The following AGRN variants were observed in gnomAD, a reference collection of about 807,000 sequenced individuals.
The protein encoded by AGRN is agrin proteoglycan.
A neutral mutation model predicts 211.0 loss-of-function variants in AGRN; 106 were observed. The observed-to-expected ratio is 0.50, with a 90% CI of 0.43 to 0.59. The LOEUF (loss-of-function observed/expected upper bound fraction) is 0.59, where lower values mean the gene tolerates loss of function less well. Among genes scored for constraint, AGRN ranks in the 20% least tolerant of loss-of-function variants. The pLI, the probability that AGRN is intolerant of heterozygous loss-of-function variation, is 0.00. For missense variants in AGRN, 3,040 were observed against 2,982.6 expected (o/e 1.02, Z -0.45); for synonymous variants, 1,525 against 1,332.5 (o/e 1.14, Z -3.15).
At chr1:1,053,713 C>G (rs548654056) in intron 33 of AGRN, 40 bp from the exon 34 acceptor site, 2 of 1,541,658 alleles carry the variant, frequency 1.3e-6, no homozygotes, top group Admixed American at 1.9e-5. Flanking sequence ...TGTCCTGTTG[C>G]CACCTTCCTA....
chr1:1,045,771 T>C lies in AGRN; in HGVS notation c.2575T>C (p.Cys859Arg), dbSNP rs768805007. 9.3e-6 allele frequency: 15 copies of C among 1,613,376 alleles called. No individual in the cohort carries two copies. Among genetic ancestry groups the C allele is most frequent in the Non-Finnish European group, 1.1e-5 (13 of 1,179,948 alleles). ...CDPQGAVRDDCEQMTGLCSCK... is the reference protein window; with the variant it reads ...CDPQGAVRDDREQMTGLCSCK... ...TCCCCAAGGCGCCGTGCGGGATGAC[T>C]GTGAGCAGATGACGGGGCTGTGCTC... Residue 859 changes from cysteine to arginine, a missense_variant, in exon 15 of 36, where the codon TGT becomes CGT. Transcript: ENST00000379370.
rs1260047546 is a variant in AGRN at position 1,020,391 on chromosome 1, C to G, written c.201+18C>G. 22 of 1,490,324 alleles carry G rather than the reference C, an allele frequency of 1.5e-5. No homozygotes were observed. The highest frequency in any genetic ancestry group is 2.0e-5 in the Non-Finnish European group (22 of 1,118,946). 92.3% of individuals were successfully genotyped at this position (1,490,324 alleles called of 1,614,324 possible). ...CCTGCAAGGTGCGCCCACCCGGACC[C>G]CGGCCTCCCCTCGCGACGCCTGCCG... is the stretch of plus-strand genomic sequence containing the variant. On this transcript the variant is annotated intron_variant, in intron 1 of 35. Coordinates refer to ENST00000379370, the MANE Select transcript of AGRN (RefSeq NM_198576.4).
chr1:1,049,047 G>A lies in AGRN; in HGVS notation c.4286G>A (p.Arg1429His), dbSNP rs756082014. ...CTGGCATTGGCGCTGCTAGATGGCC[G>A]CGTGCAGCTCAGGTGGGCGGGGAGG... ...DFLALALLDG[R>H]VQLRFDTGSG... is the part of the protein sequence containing the mutation. The change falls in exon 24 of 36, where the codon CGC becomes CAC. Residue 1429 changes from arginine (R) to histidine (H), a missense_variant. Around this residue, in one of 3 missense-constraint regions of AGRN, gnomAD observed 1,537 missense variants for 1,505.0 expected, o/e 1.02. Transcript: ENST00000379370. 96 of 1,554,736 alleles carry A rather than the reference G, an allele frequency of 6.2e-5. No homozygotes were observed. Among genetic ancestry groups the A allele is most frequent in the East Asian group, 1.7e-4 (7 of 41,876 alleles).
At chr1:1,023,009 G>A (rs1260027983) in intron 2 of AGRN, among the ~76,000 whole-genome samples, 1 of 152,234 alleles carries the variant, frequency 6.6e-6, no homozygotes, top group Non-Finnish European at 1.5e-5. Flanking sequence ...CCCCAGCCTG[G>A]TGGGGGCAGA....
In AGRN at chr1:1,031,165, T is replaced by C. The variant is rs1202056832; in HGVS notation, c.464-4112T>C. Among the ~76,000 whole-genome samples, 1 of 146,286 alleles carries C rather than the reference T, an allele frequency of 6.8e-6. No individual in the cohort carries two copies. Among genetic ancestry groups the C allele is most frequent in the Non-Finnish European group, 1.5e-5 (1 of 66,718 alleles). On this transcript the variant is annotated intron_variant, in intron 2 of 35. Transcript: ENST00000379370. The surrounding 1 kb of genome is among the most constrained non-coding windows in gnomAD (Gnocchi z 4.8). ...GTGCATGGTGCTGTGTGAGATTGTG[T>C]GTGTGCAGTGCATGGTGCTGAGTGT...
At position 1,045,417 on chromosome 1, in the gene AGRN, C is replaced by T. The variant is rs1233296091; in HGVS notation, c.2430C>T (p.Gly810=). 1 of 1,612,122 alleles carries T rather than the reference C, an allele frequency of 6.2e-7. No individual in the cohort carries two copies. Among genetic ancestry groups the T allele is most frequent in the East Asian group, 2.2e-5 (1 of 44,872 alleles). ...SYGGTCDPAT[G]QCSCRPGVGG... ...GCGGCACCTGTGACCCAGCCACAGGCCAGTGCTCCTGCCGCCCAGGTGTGG... is the reference window on the plus strand; with the variant it reads ...GCGGCACCTGTGACCCAGCCACAGGTCAGTGCTCCTGCCGCCCAGGTGTGG... The change falls in exon 14 of 36, where the codon GGC becomes GGT. Residue 810 remains glycine (G), a synonymous_variant. Coordinates refer to ENST00000379370, the MANE Select transcript of AGRN (RefSeq NM_198576.4).
In AGRN at chr1:1,040,703, G is replaced by A. The variant is rs1340781215; in HGVS notation, c.550G>A (p.Glu184Lys). 1.9e-6 allele frequency: 3 copies of A among 1,547,572 alleles called. No homozygotes were observed. The highest frequency in any genetic ancestry group is 1.7e-6 in the Non-Finnish European group (2 of 1,146,888). The part of the protein sequence containing the change: ...GMLCGFGAVC[E>K]PNAEGPGRAS... The stretch of plus-strand genomic sequence containing the variant: ...GCTGTGCGGCTTCGGCGCCGTGTGC[G>A]AGCCCAACGCGGAGGGGCCGGGCCG... The change falls in exon 4 of 36, where the codon GAG becomes AAG. Residue 184 changes from glutamate to lysine, a missense_variant. Glu to Lys is a moderately conservative substitution (Grantham distance 56). Around this residue, in one of 3 missense-constraint regions of AGRN, gnomAD observed 1,498 missense variants for 1,457.8 expected, o/e 1.03. Transcript: ENST00000379370.
intron 33 of AGRN, 51 bp downstream of exon 33, chr1:1,051,866 G>A (rs374204673): frequency 2.9e-5 from 46 of 1,605,766 alleles, no homozygotes; most frequent in Admixed American, 2.5e-4. Context: ...CCCTCGGGGC[G>A]GGACACCGGA....
rs1557712957 is a variant in AGRN, at chr1:1,047,602, C to T, written c.3546C>T (p.Val1182=). The T allele has an allele frequency of 3.1e-6, 5 of 1,612,900 alleles. No homozygotes were observed. In the Admixed American group the frequency reaches 8.3e-5, roughly 27 times the overall value. ...TLDDLFRNSD[V]KKDFRSVRLR... is the part of the protein sequence containing the mutation. ...ACGACCTCTTCCGGAATTCAGACGT[C>T]AAGAAGGATTTTCGGAGTGTCCGCT... Residue 1182 remains valine (V), a synonymous_variant, in exon 21 of 36, where the codon GTC becomes GTT. Transcript: ENST00000379370.
chr1:1,023,728 A>G (rs759202123), intron 2 of AGRN, among the ~76,000 whole-genome samples: 2 of 152,196 alleles, frequency 1.3e-5, no homozygotes, highest in Non-Finnish European at 2.9e-5. Flanking sequence ...GTCAGAGGGC[A>G]CATGGCAGGA....
intron 2 of AGRN, among the ~76,000 whole-genome samples, chr1:1,029,271 T>C (rs1644592724): frequency 1.3e-5 from 2 of 151,470 alleles, no homozygotes; most frequent in South Asian, 4.2e-4. Context: ...CGGGAACATA[T>C]GGGTGGGAGG....
intron 18 of AGRN, 41 bp downstream of exon 18, chr1:1,046,776 CG>C (rs1645108830): frequency 6.4e-7 from 1 of 1,571,800 alleles, no homozygotes; most frequent in Non-Finnish European, 8.6e-7. Flanking sequence ...GGGCAGGCGC[CG>C]AGAGGCTCCA....
chr1:1,047,156 C>A lies in AGRN; in HGVS notation c.3389-171C>A, dbSNP rs1214023000. The A allele has an allele frequency of 1.3e-5, 17 of 1,348,614 alleles. No individual in the cohort carries two copies. The Admixed American group carries it at 1.3e-4, about 11-fold the overall frequency. The allele number at this position is 1,348,614 out of a possible 1,614,324, so 83.5% of individuals were successfully genotyped here. A position where few individuals can be genotyped will look rare whatever the true frequency, so the allele number is the denominator to read the frequency against. On this transcript the variant is annotated intron_variant, in intron 19 of 35. Transcript: ENST00000379370. ...GGTGTGGCACACTGCTCTGAGGAGTCCTCCTGGTAACCGACACCAGCCCCA... is the reference window on the plus strand; with the variant it reads ...GGTGTGGCACACTGCTCTGAGGAGTACTCCTGGTAACCGACACCAGCCCCA...
intron 7 of AGRN, among the ~76,000 whole-genome samples, chr1:1,042,644 T>C (rs1644976330): frequency 6.6e-6 from 1 of 152,172 alleles, no homozygotes; most frequent in Admixed American, 6.5e-5. Context: ...CTGTCTCTTC[T>C]CTTTGGTCTC....
Position 1,045,153 on chromosome 1 carries a change from T to C in AGRN, c.2255-8T>C, listed in dbSNP as rs772319178. On this transcript the variant is annotated splice_region_variant and splice_polypyrimidine_tract_variant and intron_variant, in intron 12 of 35. Transcript: ENST00000379370. ...CATGAAATCTGAGTCCCGTACCCTT[T>C]CCTGCAGGCCCCACCTTCGCCCCGC... The C allele has an allele frequency of 1.9e-6, 3 of 1,611,654 alleles. No homozygotes were observed. The highest frequency in any genetic ancestry group is 1.1e-5 in the South Asian group (1 of 91,020).
In AGRN at chr1:1,054,340, C is replaced by T. The variant is rs1645394330; in HGVS notation, c.5877-108C>T. On this transcript the variant is annotated intron_variant, in intron 34 of 35. Coordinates refer to ENST00000379370, the MANE Select transcript of AGRN (RefSeq NM_198576.4). ...CCCCAGGGGTGATACCTCGGGGGTT[C>T]TCCAGGCTGAGGCACCTGCAGGGCA... is the stretch of plus-strand genomic sequence containing the variant. 3 of 1,077,724 alleles carry T rather than the reference C, an allele frequency of 2.8e-6. No individual in the cohort carries two copies. In the South Asian group the frequency reaches 4.2e-5, roughly 15 times the overall value. The allele number at this position is 1,077,724 out of a possible 1,614,324, so 66.8% of individuals were successfully genotyped here.
chr1:1,051,954 G>C (rs1645306722), intron 33 of AGRN, 139 bp downstream of exon 33: 1 of 1,548,356 alleles, frequency 6.5e-7, no homozygotes, highest in Admixed American at 2.0e-5. Context: ...TCACCTCCCG[G>C]TCCTCCCGCC....
intron 30 of AGRN, 79 bp from the exon 31 acceptor site, chr1:1,051,174 C>T (rs1409013144): frequency 6.3e-5 from 34 of 541,532 alleles, no homozygotes; most frequent in Non-Finnish European, 1.1e-4. Flanking sequence ...GCGGGTGGGG[C>T]GGGTGCGTGC....
In AGRN at chr1:1,053,915, C is replaced by T. The variant is rs369308183; in HGVS notation, c.5814C>T (p.Pro1938=). 1,120 of 1,606,230 alleles carry T rather than the reference C, an allele frequency of 7.0e-4. 13 individuals carry two copies. The South Asian group carries it at 8.6e-3, about 12-fold the overall frequency. Residue 1938 remains proline (P), a synonymous_variant, in exon 34 of 36, where the codon CCC becomes CCT. Transcript: ENST00000379370. ...LQLSYNLGSQ[P]VVLRSTVPVN... is the part of the protein sequence containing the mutation. ...TGAGCTACAACCTGGGCTCCCAGCCCGTGGTGCTGCGTTCCACCGTGCCCG... is the reference window on the plus strand; with the variant it reads ...TGAGCTACAACCTGGGCTCCCAGCCTGTGGTGCTGCGTTCCACCGTGCCCG...
Sources: allele counts gnomAD v4.1 joint callset (sites outside exome capture counted in the v4.1 genomes callset), GRCh38; gene constraint gnomAD v4.1.1; regional missense constraint gnomAD v4.1.1; non-coding constraint Gnocchi (gnomAD v3.1); transcripts MANE v1.5; gene names NCBI Gene and HGNC (gene_info 2026-07-23, HGNC 2026-07-21).